Variants in VMP1 observed in about 807,000 individuals in gnomAD.
The protein encoded by VMP1 is vacuole membrane protein 1.
A neutral mutation model predicts 56.0 loss-of-function variants in VMP1; 11 were observed. The ratio of observed to expected loss-of-function variants is 0.20; its 90% CI spans 0.12 to 0.32. The LOEUF (loss-of-function observed/expected upper bound fraction) is 0.32. VMP1 is among the 10% of genes least tolerant of loss of function. The probability of loss-of-function intolerance (pLI) is 1.00; values close to 1 mark genes in which losing one functional copy is unlikely to be tolerated. For synonymous variants in VMP1, 149 were observed against 165.0 expected (o/e 0.90, Z 0.74); for missense variants, 296 against 490.3 (o/e 0.60, Z 3.74).
Position 59,773,777 on chromosome 17 carries a change from G to A in VMP1, c.606G>A (p.Glu202=). 1 of 1,608,760 alleles carries A rather than the reference G, an allele frequency of 6.2e-7. No individual in the cohort carries two copies. Among genetic ancestry groups the A allele is most frequent in the Non-Finnish European group, 8.5e-7 (1 of 1,178,436 alleles). The stretch of plus-strand genomic sequence containing the variant: ...AGGGTATCGGTACAGCAATCGGAGA[G>A]CTGCCTCCATATTTCATGGCCAGAG... ...CMWGIGTAIG[E]LPPYFMARAA... Residue 202 remains glutamate (E), a synonymous_variant, in exon 7 of 12, where the codon GAG becomes GAA. Coordinates refer to ENST00000262291, the MANE Select transcript of VMP1 (RefSeq NM_030938.5).
intron 7 of VMP1, among the ~76,000 whole-genome samples, chr17:59,798,276 C>A (rs2037515946): frequency 6.6e-6 from 1 of 152,150 alleles, no homozygotes. Flanking sequence ...TTTGGCACAA[C>A]ACTCTGAAAT....
At chr17:59,798,765 A>T (rs2037536907) in intron 7 of VMP1, among the ~76,000 whole-genome samples, 4 of 152,202 alleles carry the variant, frequency 2.6e-5, no homozygotes, top group Non-Finnish European at 1.5e-5. Context: ...GCATGCCTGT[A>T]ATCCCAGCTA....
chr17:59,737,348 C>G (rs1466929430), intron 3 of VMP1, 105 bp from the exon 4 acceptor site: 2 of 1,071,830 alleles, frequency 1.9e-6, no homozygotes. Context: ...GAGCTCAGCC[C>G]AGCTGAGCTA....
chr17:59,818,849 A>G (rs2038340083), intron 10 of VMP1, among the ~76,000 whole-genome samples: 1 of 152,180 alleles, frequency 6.6e-6, no homozygotes, highest in Non-Finnish European at 1.5e-5. Flanking sequence ...CAGCTGCCCC[A>G]CGGGGGAAAT....
chr17:59,821,876 T>C (rs2038467561), intron 10 of VMP1, among the ~76,000 whole-genome samples: 1 of 146,374 alleles, frequency 6.8e-6, no homozygotes, highest in South Asian at 2.2e-4. Flanking sequence ...GGAGTTTTGC[T>C]TTGTCGCCCA....
In VMP1 at chr17:59,796,652, T is replaced by C. The variant is rs145513393; in HGVS notation, c.715-12144T>C. ...GAAGTAACTTTCAAAATGTTATAAG[T>C]TGTTTTTCTAAAACTTAGCATTTAA... is the stretch of plus-strand genomic sequence containing the variant. On this transcript the variant is annotated intron_variant, in intron 7 of 11. Coordinates refer to ENST00000262291, the MANE Select transcript of VMP1 (RefSeq NM_030938.5). Among the ~76,000 whole-genome samples the C allele has an allele frequency of 1.2e-4, 18 of 152,240 alleles. No homozygotes were observed. In the East Asian group the frequency reaches 2.1e-3, roughly 18 times the overall value.
rs549772991 is a variant in VMP1, at chr17:59,798,277, ACT to A, written c.715-10516_715-10515del. Reference sequence around the variant, plus strand: ...GATAGCTCCCTATTTTTGGCACAACACTCTGAAATGTGTGGTGTTCACAGTGG... The same window carrying A: ...GATAGCTCCCTATTTTTGGCACAACACTGAAATGTGTGGTGTTCACAGTGG... On this transcript the variant is annotated intron_variant, in intron 7 of 11. Coordinates refer to ENST00000262291, the MANE Select transcript of VMP1 (RefSeq NM_030938.5). Among the ~76,000 whole-genome samples, 81 of 152,126 alleles carry A rather than the reference ACT, an allele frequency of 5.3e-4. 1 individual carries two copies. The highest frequency in any genetic ancestry group is 2.7e-3 in the Admixed American group (41 of 15,284).
intron 10 of VMP1, 63 bp downstream of exon 10, chr17:59,817,836 C>T: frequency 7.8e-7 from 1 of 1,288,062 alleles, no homozygotes; most frequent in Non-Finnish European, 1.1e-6. Flanking sequence ...TAAATGTGTA[C>T]AAGACTGAAT....
chr17:59,807,191 G>GTTTTTTT (rs1457969471), intron 7 of VMP1, among the ~76,000 whole-genome samples: 1 of 142,744 alleles, frequency 7.0e-6, no homozygotes, highest in African/African-American at 2.6e-5. Flanking sequence ...CTTCTTTTTT[G>GTTTTTTT]TTTTTTTGTT....
intron 7 of VMP1, among the ~76,000 whole-genome samples, chr17:59,786,364 A>G (rs2037006472): frequency 6.6e-6 from 1 of 152,182 alleles, no homozygotes; most frequent in African/African-American, 2.4e-5. Context: ...TTTTAAGCAC[A>G]TTTTCCTATG....
chr17:59,760,076 T>C (rs989301697), intron 5 of VMP1, among the ~76,000 whole-genome samples: 3 of 150,562 alleles, frequency 2.0e-5, no homozygotes, highest in East Asian at 3.9e-4. Context: ...TGAGCTGTGA[T>C]CACACTACTG....
intron 10 of VMP1, among the ~76,000 whole-genome samples, chr17:59,836,753 G>A (rs2038967226): frequency 6.9e-6 from 1 of 145,774 alleles, no homozygotes; most frequent in South Asian, 2.3e-4. Context: ...CCCAGCAAAA[G>A]GAATCAATTA....
At chr17:59,812,135 T>G (rs1326030260) in intron 9 of VMP1, among the ~76,000 whole-genome samples, 1 of 152,148 alleles carries the variant, frequency 6.6e-6, no homozygotes, top group Admixed American at 6.6e-5. Flanking sequence ...CCAAAAAATG[T>G]AGTTTTTTGT....
chr17:59,812,012 TTCTC>T (rs984422610), intron 9 of VMP1, among the ~76,000 whole-genome samples: 1 of 152,166 alleles, frequency 6.6e-6, no homozygotes, highest in Non-Finnish European at 1.5e-5. Context: ...TTTCCTTCCT[TTCTC>T]TCTTTCTTTC....
At chr17:59,750,355 G>A (rs1329596481) in intron 5 of VMP1, among the ~76,000 whole-genome samples, 1 of 148,956 alleles carries the variant, frequency 6.7e-6, no homozygotes, top group Non-Finnish European at 1.5e-5. Flanking sequence ...AGGCTGTAGT[G>A]CAGTGGTGCG....
chr17:59,766,846 C>T (rs2036248922), intron 6 of VMP1, among the ~76,000 whole-genome samples: 1 of 151,692 alleles, frequency 6.6e-6, no homozygotes, highest in Non-Finnish European at 1.5e-5. Context: ...GTAGCGCAAT[C>T]TCGGCTCACT....
At chr17:59,717,695 G>C (rs1037415269) in intron 1 of VMP1, among the ~76,000 whole-genome samples, 1 of 152,210 alleles carries the variant, frequency 6.6e-6, no homozygotes, top group African/African-American at 2.4e-5. Flanking sequence ...CAAGGCAGGA[G>C]GATCACCTGA....
At chr17:59,787,824 ATAAT>A (rs994871838) in intron 7 of VMP1, among the ~76,000 whole-genome samples, 5 of 152,122 alleles carry the variant, frequency 3.3e-5, no homozygotes, top group Admixed American at 6.6e-5. Context: ...TGTCTCAAAA[ATAAT>A]TAATTAATTA....
intron 10 of VMP1, among the ~76,000 whole-genome samples, chr17:59,819,120 C>G (rs183571940): frequency 8.1e-4 from 123 of 152,232 alleles, no homozygotes; most frequent in African/African-American, 2.6e-3. Context: ...TGGAGCCAGT[C>G]ATTAGTTTCA....
Sources: gnomAD v4.1 joint callset for allele counts (sites outside exome capture counted in the v4.1 genomes callset) on GRCh38, gnomAD v4.1.1 for gene constraint, MANE v1.5 for transcripts, NCBI Gene and HGNC (gene_info 2026-07-23, HGNC 2026-07-21) for gene names.